The following CAPN8 variants were observed in gnomAD, a reference collection of about 807,000 sequenced individuals.
The protein encoded by CAPN8 is calpain 8.
In CAPN8, 87 loss-of-function variants were observed where a neutral mutation model predicts 80.9. That is an observed-to-expected ratio of 1.07 (90% CI 0.90 to 1.28). The LOEUF (loss-of-function observed/expected upper bound fraction) is 1.28, where lower values mean the gene tolerates loss of function less well. CAPN8 is among the 50% of genes most tolerant of loss of function. CAPN8 has a pLI of 0.00. For missense variants in CAPN8, 757 were observed against 702.0 expected (o/e 1.08, Z -0.89); for synonymous variants, 299 against 273.8 (o/e 1.09, Z -0.91).
At chr1:223,655,316 C>A (rs939686994) in intron 1 of CAPN8, among the ~76,000 whole-genome samples, 3 of 152,192 alleles carry the variant, frequency 2.0e-5, no homozygotes, top group African/African-American at 7.2e-5. Context: ...CTGACCTGCA[C>A]TTCCTCCACT....
intron 10 of CAPN8, among the ~76,000 whole-genome samples, chr1:223,613,402 AG>A (rs1413800867): frequency 2.0e-5 from 3 of 152,232 alleles, no homozygotes; most frequent in Admixed American, 6.5e-5. Context: ...CACCCTTGGC[AG>A]GGGCTTGCCC....
At chr1:223,616,243 G>T (rs1657185267) in intron 9 of CAPN8, 98 bp from the exon 10 acceptor site, 1 of 1,327,368 alleles carries the variant, frequency 7.5e-7, no homozygotes, top group Non-Finnish European at 1.0e-6. Flanking sequence ...CCTAATGAAT[G>T]CACAGCTCCA....
chr1:223,628,039 C>T lies in CAPN8; in HGVS notation c.530G>A (p.Trp177Ter). The stretch of plus-strand genomic sequence containing the variant: ...ATAGGCTTTCTCCAGCAGGGCACTC[C>T]AGAATTCATTGCCTTGTTCCGAGTG... ...FLHSEQGNEF[W>*]SALLEKAYAK... Residue 177 changes from tryptophan (W) to a stop codon, truncating the protein, a stop_gained, in exon 4 of 21, where the codon TGG (tryptophan) becomes TAG (stop). Transcript: ENST00000366872. LOFTEE classifies it high-confidence loss of function. 1.9e-6 allele frequency: 3 copies of T among 1,550,246 alleles called. No individual in the cohort carries two copies. The highest frequency in any genetic ancestry group is 2.6e-6 in the Non-Finnish European group (3 of 1,146,104).
intron 2 of CAPN8, among the ~76,000 whole-genome samples, chr1:223,640,347 A>G (rs1177761598): frequency 6.6e-6 from 1 of 152,214 alleles, no homozygotes; most frequent in African/African-American, 2.4e-5. Flanking sequence ...GGGAACCCAA[A>G]CAAGTGAATC....
At chr1:223,648,943 C>T (rs1658268711) in intron 2 of CAPN8, among the ~76,000 whole-genome samples, 1 of 152,118 alleles carries the variant, frequency 6.6e-6, no homozygotes. Context: ...AGGTAAAGCT[C>T]ATCTCACTCA....
At chr1:223,609,579 T>A (rs1340767789) in intron 11 of CAPN8, among the ~76,000 whole-genome samples, 1 of 152,164 alleles carries the variant, frequency 6.6e-6, no homozygotes, top group Non-Finnish European at 1.5e-5. Context: ...GAGGCATTGA[T>A]CTTGACTGTG....
chr1:223,627,529 G>A lies in CAPN8; in HGVS notation c.561-372C>T, dbSNP rs377562691. On this transcript the variant is annotated intron_variant, in intron 4 of 20. Coordinates refer to ENST00000366872, the MANE Select transcript of CAPN8 (RefSeq NM_001143962.2). ...GCTTGCTGGGAAATAGAACTGGAAA[G>A]GAACTGGGGTTGCAGAAAAGGGTAT... Among the ~76,000 whole-genome samples, 384 of 152,344 alleles carry A rather than the reference G, an allele frequency of 2.5e-3. 1 individual carries two copies. Among genetic ancestry groups the A allele is most frequent in the African/African-American group, 8.3e-3 (347 of 41,570 alleles).
intron 20 of CAPN8, 128 bp downstream of exon 20, chr1:223,542,980 A>C: frequency 1.0e-6 from 1 of 991,412 alleles, no homozygotes; most frequent in South Asian, 1.7e-5. Context: ...GGTGCCTGCC[A>C]CAGAACATGC....
chr1:223,618,072 T>C, intron 9 of CAPN8: 1 of 667,694 alleles, frequency 1.5e-6, no homozygotes, highest in Non-Finnish European at 2.6e-6. Context: ...AGCTCTGTCA[T>C]GAGAAGAAAG....
chr1:223,541,622 C>T lies in CAPN8; in HGVS notation c.*214G>A, dbSNP rs1225251915. The T allele has an allele frequency of 4.6e-6, 3 of 654,820 alleles. No individual in the cohort carries two copies. The highest frequency in any genetic ancestry group is 5.5e-5 in the East Asian group (2 of 36,406). 40.6% of individuals were successfully genotyped at this position (654,820 alleles called of 1,614,324 possible). A position where few individuals can be genotyped will look rare whatever the true frequency, so the allele number is the denominator to read the frequency against. ...GAGAGAAAGGTGGAAACCATTCTGGCTCACAACTTTAATTGATTGCTTTCC... is the reference window on the plus strand; with the variant it reads ...GAGAGAAAGGTGGAAACCATTCTGGTTCACAACTTTAATTGATTGCTTTCC... On this transcript the variant is annotated 3_prime_UTR_variant, in exon 21 of 21. Transcript: ENST00000366872.
At position 223,616,100 on chromosome 1, in the gene CAPN8, A is replaced by G; in HGVS notation, c.1181T>C (p.Val394Ala). The part of the protein sequence containing the change: ...NPQFKIRLDE[V>A]DEDQEESIGE... Reference sequence around the variant, plus strand: ...GATGCTCTCCTCCTGGTCCTCATCCACTTCATCCAAACGGATTTTGAACTG... The same window carrying G: ...GATGCTCTCCTCCTGGTCCTCATCCGCTTCATCCAAACGGATTTTGAACTG... Residue 394 changes from valine (V) to alanine (A), a missense_variant, in exon 10 of 21, where the codon GTG becomes GCG. Transcript: ENST00000366872. 1 of 1,551,916 alleles carries G rather than the reference A, an allele frequency of 6.4e-7. No homozygotes were observed. The highest frequency in any genetic ancestry group is 8.7e-7 in the Non-Finnish European group (1 of 1,147,004).
chr1:223,626,990 T>A lies in CAPN8; in HGVS notation c.728A>T (p.Asp243Val), dbSNP rs1185694008. The A allele has an allele frequency of 6.4e-7, 1 of 1,551,056 alleles. No individual in the cohort carries two copies. Residue 243 changes from aspartate (D) to valine (V), a missense_variant and splice_region_variant, in exon 5 of 21, where the codon GAT (aspartate) becomes GTT (valine). Transcript: ENST00000366872. ...CAGSLLGCSIDVSSAAEAEAI... is the reference protein window; with the variant it reads ...CAGSLLGCSIVVSSAAEAEAI... The stretch of plus-strand genomic sequence containing the variant: ...CAGTAGAGAAGCCATATGCCTCACA[T>A]CAATGGAGCAGCCCAGCAGAGACCC...
Position 223,622,871 on chromosome 1 carries a change from C to G in CAPN8, c.843G>C (p.Leu281=), listed in dbSNP as rs1018529553. ...EVNFQGHPEK[L]IRLRNPWGEV... is the part of the protein sequence containing the mutation. ...CACCCCATGGATTCCTGAGTCTGAT[C>G]AGCTTCTCTGGATGGCCCTGGAAAT... is the stretch of plus-strand genomic sequence containing the variant. Residue 281 remains leucine (L), a synonymous_variant, in exon 7 of 21, where the codon CTG becomes CTC. Transcript: ENST00000366872. 1.3e-5 allele frequency: 20 copies of G among 1,551,634 alleles called. No homozygotes were observed. The Admixed American group carries it at 2.4e-4, about 18-fold the overall frequency.
At chr1:223,641,891 T>G (rs912830972) in intron 2 of CAPN8, among the ~76,000 whole-genome samples, 1 of 152,228 alleles carries the variant, frequency 6.6e-6, no homozygotes, top group Non-Finnish European at 1.5e-5. Flanking sequence ...TTCTTCCTGA[T>G]TCTGACAAAT....
chr1:223,664,069 T>A (rs1173268303), intron 1 of CAPN8, among the ~76,000 whole-genome samples: 2 of 152,220 alleles, frequency 1.3e-5, no homozygotes, highest in Non-Finnish European at 1.5e-5. Context: ...ACAACCACTC[T>A]GTATGGGAGA....
intron 1 of CAPN8, among the ~76,000 whole-genome samples, chr1:223,656,198 G>A (rs1639293290): frequency 1.3e-5 from 2 of 152,148 alleles, no homozygotes; most frequent in South Asian, 2.1e-4. Context: ...GCTGGGTGCG[G>A]TGGCTCACGC....
intron 6 of CAPN8, among the ~76,000 whole-genome samples, chr1:223,623,927 G>A (rs567105580): frequency 3.6e-4 from 54 of 150,968 alleles, no homozygotes; most frequent in African/African-American, 1.3e-3. Flanking sequence ...TTGAACCAGG[G>A]AGTCAGAGGT....
At chr1:223,553,463 C>A (rs1477634170) in intron 14 of CAPN8, among the ~76,000 whole-genome samples, 5 of 152,184 alleles carry the variant, frequency 3.3e-5, no homozygotes, top group Non-Finnish European at 2.9e-5. Context: ...GCTGGGCAAT[C>A]CTCACTCTGA....
In CAPN8 at chr1:223,647,745, A is replaced by G. The variant is rs77427900; in HGVS notation, c.307+6585T>C. 3.6e-3 allele frequency among the ~76,000 whole-genome samples: 543 copies of G among 152,272 alleles called. 2 individuals carry two copies. Among genetic ancestry groups the G allele is most frequent in the Middle Eastern group, 0.014 (4 of 294 alleles). On this transcript the variant is annotated intron_variant, in intron 2 of 20. Transcript: ENST00000366872. ...TGCTTCAGACAAAAAATAGGGCCAT[A>G]AAAAAACAATTATACTGAAAGTTAT...
Sources: gnomAD v4.1 joint callset for allele counts (sites outside exome capture counted in the v4.1 genomes callset) on GRCh38, gnomAD v4.1.1 for gene constraint, MANE v1.5 for transcripts, NCBI Gene and HGNC (gene_info 2026-07-23, HGNC 2026-07-21) for gene names.